SEC14L6: variants seen among roughly 807,000 people sequenced by gnomAD.
The protein encoded by SEC14L6 is SEC14-like protein 6.
A neutral mutation model predicts 54.1 loss-of-function variants in SEC14L6; 40 were observed. The observed-to-expected ratio is 0.74, with a 90% CI of 0.57 to 0.96. SEC14L6 has a LOEUF of 0.96. SEC14L6 is among the 40% of genes least tolerant of loss of function. The probability of loss-of-function intolerance (pLI) is 0.00; values close to 1 mark genes in which losing one functional copy is unlikely to be tolerated. For missense variants in SEC14L6, 471 were observed against 498.3 expected (o/e 0.95, Z 0.52); for synonymous variants, 171 against 198.4 (o/e 0.86, Z 1.16).
intron 6 of SEC14L6, 35 bp from the exon 7 acceptor site, chr22:30,529,384 G>A: frequency 6.6e-7 from 1 of 1,523,834 alleles, no homozygotes; most frequent in South Asian, 1.2e-5. Flanking sequence ...ATGGGCGTCT[G>A]AACACTGTCC....
intron 11 of SEC14L6, 58 bp from the exon 12 acceptor site, chr22:30,525,167 G>T: frequency 7.8e-7 from 1 of 1,285,466 alleles, no homozygotes; most frequent in Non-Finnish European, 1.1e-6. Context: ...TGACTTCCAT[G>T]GTGGTAAATC....
chr22:30,544,931 C>T (rs551414659), intron 1 of SEC14L6, among the ~76,000 whole-genome samples: 4 of 152,138 alleles, frequency 2.6e-5, no homozygotes, highest in South Asian at 2.1e-4. Context: ...ACAACAACAA[C>T]GTGAAAAAAA....
intron 1 of SEC14L6, chr22:30,542,734 T>C: frequency 3.2e-6 from 5 of 1,574,270 alleles, no homozygotes; most frequent in Non-Finnish European, 4.4e-6. Context: ...CGCTCTGCAG[T>C]GCACTGTGAC....
At chr22:30,528,792 G>T (rs1012991826) in intron 8 of SEC14L6, among the ~76,000 whole-genome samples, 7 of 152,116 alleles carry the variant, frequency 4.6e-5, no homozygotes, top group African/African-American at 1.7e-4. Flanking sequence ...GCAGCTGAGT[G>T]ACTCACTCCG....
In SEC14L6 at chr22:30,525,629, A is replaced by G. The variant is rs747938203; in HGVS notation, c.893T>C (p.Phe298Ser). ...TCCCTACCTGAGCACACAGCCCGGG[A>G]ACAGGATCTCGTTCTCCACCTGCAG... ...SSLQVENEIL[F>S]PGCVLRWQFA... Residue 298 changes from phenylalanine (F) to serine (S), a missense_variant, in exon 10 of 12, where the codon TTC becomes TCC. Phe to Ser is a radical substitution (Grantham distance 155). Coordinates refer to ENST00000402034, the MANE Select transcript of SEC14L6 (RefSeq NM_001193336.4). The G allele has an allele frequency of 5.0e-5, 81 of 1,608,964 alleles. No homozygotes were observed. The highest frequency in any genetic ancestry group is 1.2e-4 in the South Asian group (11 of 90,596).
rs1232672514 is a variant in SEC14L6, at chr22:30,526,012, C to T, written c.665-80G>A. The T allele has an allele frequency of 1.2e-5, 18 of 1,508,766 alleles. No homozygotes were observed. In the South Asian group the frequency reaches 1.6e-4, roughly 13 times the overall value. The allele number at this position is 1,508,766 out of a possible 1,614,324, so 93.5% of individuals were successfully genotyped here. ...CAGAGGGGGCTGAGCCCAGGTCTGT[C>T]CTTTGGCCAGCTGCTCTCCCTCCCT... On this transcript the variant is annotated intron_variant, in intron 8 of 11. Coordinates refer to ENST00000402034, the MANE Select transcript of SEC14L6 (RefSeq NM_001193336.4).
At chr22:30,525,194 G>T in intron 11 of SEC14L6, 85 bp from the exon 12 acceptor site, 1 of 1,285,230 alleles carries the variant, frequency 7.8e-7, no homozygotes, top group Non-Finnish European at 1.1e-6. Context: ...TGGGTACCCA[G>T]ACCAGGGAAC....
intron 1 of SEC14L6, among the ~76,000 whole-genome samples, chr22:30,540,576 T>C (rs998007754): frequency 1.3e-5 from 2 of 151,588 alleles, no homozygotes; most frequent in Non-Finnish European, 2.9e-5. Flanking sequence ...ATTAGCCAGG[T>C]GTGGTGGCGC....
chr22:30,544,049 C>G, intron 1 of SEC14L6: 1 of 1,531,730 alleles, frequency 6.5e-7, no homozygotes, highest in South Asian at 1.1e-5. Flanking sequence ...CTGTCCTTCT[C>G]AGAGTATGCC....
At chr22:30,541,145 CTTTG>C (rs2085701207) in intron 1 of SEC14L6, among the ~76,000 whole-genome samples, 1 of 151,916 alleles carries the variant, frequency 6.6e-6, no homozygotes, top group East Asian at 1.9e-4. Context: ...TTTGTTTATA[CTTTG>C]TTTTCTTTTT....
At chr22:30,534,772 C>T (rs1039157993) in intron 2 of SEC14L6, among the ~76,000 whole-genome samples, 1 of 152,106 alleles carries the variant, frequency 6.6e-6, no homozygotes, top group African/African-American at 2.4e-5. Context: ...TGCCTATAAT[C>T]CCAGCATTTT....
At chr22:30,533,625 C>T (rs1462783449) in intron 3 of SEC14L6, among the ~76,000 whole-genome samples, 1 of 151,514 alleles carries the variant, frequency 6.6e-6, no homozygotes, top group Non-Finnish European at 1.5e-5. Flanking sequence ...AATACACCAG[C>T]TCATTCCCAC....
At chr22:30,529,221 G>A (rs1936885625) in intron 7 of SEC14L6, 51 bp from the exon 8 acceptor site, 3 of 1,547,016 alleles carry the variant, frequency 1.9e-6, no homozygotes, top group Non-Finnish European at 1.7e-6. Flanking sequence ...GGGGTCTCAG[G>A]TGCCCACCCG....
chr22:30,543,274 C>G, intron 1 of SEC14L6: 10 of 1,586,510 alleles, frequency 6.3e-6, no homozygotes, highest in Middle Eastern at 3.3e-4. Flanking sequence ...CGTCACCTTG[C>G]GGGGGGACTC....
In SEC14L6 at chr22:30,524,825, G is replaced by A; in HGVS notation, c.*172C>T. The A allele has an allele frequency of 3.4e-6, 2 of 588,444 alleles. No homozygotes were observed. The highest frequency in any genetic ancestry group is 3.9e-5 in the South Asian group (2 of 51,156). The allele number at this position is 588,444 out of a possible 1,614,324, so 36.5% of individuals were successfully genotyped here. Reference sequence around the variant, plus strand: ...GCTGTGACCATCGGGCCACCACTAGGACACTGTCCCAGCCGTTCCTGAGGA... The same window carrying A: ...GCTGTGACCATCGGGCCACCACTAGAACACTGTCCCAGCCGTTCCTGAGGA... On this transcript the variant is annotated 3_prime_UTR_variant, in exon 12 of 12. Transcript: ENST00000402034.
At chr22:30,538,741 G>T in intron 2 of SEC14L6, 86 bp downstream of exon 2, 2 of 868,888 alleles carry the variant, frequency 2.3e-6, no homozygotes, top group Non-Finnish European at 3.6e-6. Flanking sequence ...GCTATGTTTT[G>T]GAGTAATTTG....
intron 2 of SEC14L6, among the ~76,000 whole-genome samples, chr22:30,537,573 C>T (rs1433306596): frequency 1.3e-5 from 2 of 152,192 alleles, no homozygotes; most frequent in African/African-American, 4.8e-5. Context: ...GAGCTGATGT[C>T]AGCCTGGGCT....
chr22:30,543,969 C>T, intron 1 of SEC14L6: 2 of 1,605,318 alleles, frequency 1.2e-6, no homozygotes, highest in South Asian at 2.2e-5. Flanking sequence ...CGGAGGACAC[C>T]CTCACCTATG....
At chr22:30,537,028 A>AC (rs911982467) in intron 2 of SEC14L6, among the ~76,000 whole-genome samples, 4 of 151,060 alleles carry the variant, frequency 2.6e-5, no homozygotes, top group African/African-American at 9.7e-5. Context: ...ACTCAAAAAA[A>AC]AAAAAAAAAA....
Sources: gnomAD v4.1 joint callset for allele counts (sites outside exome capture counted in the v4.1 genomes callset) on GRCh38, gnomAD v4.1.1 for gene constraint, MANE v1.5 for transcripts, NCBI Gene and HGNC (gene_info 2026-07-23, HGNC 2026-07-21) for gene names.